PASD1: variants seen among roughly 807,000 people sequenced by gnomAD.
PASD1 encodes circadian clock protein PASD1.
A neutral mutation model predicts 58.8 loss-of-function variants in PASD1; 13 were observed. The ratio of observed to expected loss-of-function variants is 0.22; its 90% CI spans 0.14 to 0.35. PASD1 has a LOEUF of 0.35. Ranked by LOEUF, PASD1 falls within the 10% of genes least tolerant of loss-of-function variation. The probability of loss-of-function intolerance (pLI) is 1.00; values close to 1 mark genes in which losing one functional copy is unlikely to be tolerated. For synonymous variants in PASD1, 236 were observed against 216.7 expected (o/e 1.09, Z -0.78); for missense variants, 734 against 568.3 (o/e 1.29, Z -2.96).
At chrX:151,624,096 A>G (rs2013753982) in intron 7 of PASD1, among the ~76,000 whole-genome samples, 1 of 111,767 alleles carries the variant, frequency 8.9e-6, no homozygotes, top group Non-Finnish European at 1.9e-5. Context: ...CAGAGAAACA[A>G]GAACAGAAGC....
chrX:151,570,250 A>C (rs1041512521), intron 1 of PASD1, among the ~76,000 whole-genome samples: 5 of 111,522 alleles, frequency 4.5e-5, no homozygotes, highest in Admixed American at 9.5e-5. Flanking sequence ...TAGAAACCTA[A>C]TTGCTAAAGG....
At chrX:151,626,465 A>G (rs949686558) in intron 8 of PASD1, among the ~76,000 whole-genome samples, 4 of 111,943 alleles carry the variant, frequency 3.6e-5, no homozygotes, top group African/African-American at 1.3e-4. Flanking sequence ...TCTGTAAAAT[A>G]TAAATTATTT....
At chrX:151,593,206 T>C (rs1270559569) in intron 1 of PASD1, among the ~76,000 whole-genome samples, 1 of 111,112 alleles carries the variant, frequency 9.0e-6, no homozygotes, top group Non-Finnish European at 1.9e-5. Flanking sequence ...TTTATCCCAC[T>C]TTTTTGTAGT....
chrX:151,661,755 C>CTT (rs34934059), intron 10 of PASD1, among the ~76,000 whole-genome samples: 1 of 100,538 alleles, frequency 9.9e-6, no homozygotes, highest in African/African-American at 3.6e-5. Context: ...CTCATTCTTG[C>CTT]TTTTTTTTTT....
chrX:151,668,106 A>G (rs1051911538), intron 11 of PASD1, among the ~76,000 whole-genome samples: 7 of 111,145 alleles, frequency 6.3e-5, no homozygotes, highest in Non-Finnish European at 1.1e-4. Context: ...GAATGCTTCC[A>G]GTTTTTGCCC....
At chrX:151,669,571 G>T (rs2014437477) in intron 11 of PASD1, among the ~76,000 whole-genome samples, 1 of 110,141 alleles carries the variant, frequency 9.1e-6, no homozygotes, top group African/African-American at 3.3e-5. Flanking sequence ...CTAGCCTCTG[G>T]TAACCACCAT....
chrX:151,666,083 T>C (rs1190324909), intron 11 of PASD1, among the ~76,000 whole-genome samples: 1 of 110,393 alleles, frequency 9.1e-6, no homozygotes, highest in Non-Finnish European at 1.9e-5. Context: ...AACTCATCTA[T>C]GTACTTACAT....
rs367734353 is a variant in PASD1, at chrX:151,565,135, C to G, written c.-28+1296C>G. On this transcript the variant is annotated intron_variant, in intron 1 of 15. Transcript: ENST00000370357. ...CCCTACTGACTGGCTGTGCTTTTCT[C>G]TAACCTTAGTTCTTTCAGTAAGTTA... Among the ~76,000 whole-genome samples the G allele has an allele frequency of 1.5e-4, 17 of 112,088 alleles. No individual in the cohort carries two copies. In the South Asian group the frequency reaches 3.7e-3, roughly 25 times the overall value.
intron 1 of PASD1, among the ~76,000 whole-genome samples, chrX:151,580,958 C>A (rs2013080808): frequency 9.1e-6 from 1 of 110,399 alleles, no homozygotes; most frequent in African/African-American, 3.3e-5. Flanking sequence ...ATTATTGAAC[C>A]ATATGAGAAG....
Position 151,676,136 on chromosome X carries a change from C to T in PASD1, c.2315C>T (p.Pro772Leu), listed in dbSNP as rs148051878. The T allele has an allele frequency of 2.2e-5, 26 of 1,204,695 alleles. No homozygotes were observed. Among genetic ancestry groups the T allele is most frequent in the Admixed American group, 4.4e-5 (2 of 45,274 alleles). ...MPAEQRDSNK[P>L]C ...GCAGAGCAACGTGACTCAAATAAGC[C>T]GTGCTAACAGTACTTTCATGACCAG... The change falls in exon 16 of 16, where the codon CCG becomes CTG. Residue 772 changes from proline to leucine, a missense_variant. By Grantham distance (98) the Pro-to-Leu change is moderately conservative. Transcript: ENST00000370357.
chrX:151,653,739 TTTCTTTCC>T (rs2014167878), intron 9 of PASD1, among the ~76,000 whole-genome samples: 2 of 56,732 alleles, frequency 3.5e-5, no homozygotes, highest in African/African-American at 4.8e-5. Flanking sequence ...TCTCTCTCTC[TTTCTTTCC>T]TTCCTTCTTT....
At chrX:151,632,108 T>TG (rs1268681370) in intron 8 of PASD1, among the ~76,000 whole-genome samples, 1 of 110,244 alleles carries the variant, frequency 9.1e-6, no homozygotes, top group East Asian at 2.8e-4. Flanking sequence ...GGTGAGATGA[T>TG]GAGGGCCAAG....
intron 8 of PASD1, among the ~76,000 whole-genome samples, chrX:151,646,469 G>A (rs747275141): frequency 1.4e-4 from 16 of 112,074 alleles, no homozygotes; most frequent in East Asian, 8.4e-4. Flanking sequence ...CACTAGCTAC[G>A]GAGCACTTGA....
chrX:151,660,341 A>G (rs2014294687), intron 10 of PASD1, among the ~76,000 whole-genome samples: 1 of 112,567 alleles, frequency 8.9e-6, no homozygotes, highest in African/African-American at 3.2e-5. Flanking sequence ...TCTCCTAATT[A>G]ATCTTATCAT....
At chrX:151,602,606 C>G (rs2013433372) in intron 2 of PASD1, among the ~76,000 whole-genome samples, 1 of 110,465 alleles carries the variant, frequency 9.1e-6, no homozygotes, top group Non-Finnish European at 1.9e-5. Context: ...TGAGGCAAGA[C>G]AATGGCTTGA....
chrX:151,600,266 C>G (rs1238575074), intron 1 of PASD1, among the ~76,000 whole-genome samples: 2 of 100,459 alleles, frequency 2.0e-5, no homozygotes, highest in African/African-American at 7.6e-5. Flanking sequence ...AAGAGAGAGA[C>G]GAGGGAGAGG....
At chrX:151,661,950 G>A (rs898576028) in intron 10 of PASD1, among the ~76,000 whole-genome samples, 2 of 112,124 alleles carry the variant, frequency 1.8e-5, no homozygotes, top group African/African-American at 6.5e-5. Context: ...ATGTTTTATT[G>A]CTGGTGGTGT....
intron 6 of PASD1, 48 bp downstream of exon 6, chrX:151,621,640 A>G (rs2013712796): frequency 1.1e-6 from 1 of 878,726 alleles, no homozygotes; most frequent in Non-Finnish European, 1.6e-6. Context: ...TGAGTCATGT[A>G]GCCTCACATT....
Position 151,672,572 on chromosome X carries a change from C to T in PASD1, c.1827C>T (p.Pro609=), listed in dbSNP as rs1467729783. 8.3e-7 allele frequency: 1 copy of T among 1,210,487 alleles called. No individual in the cohort carries two copies. The highest frequency in any genetic ancestry group is 1.1e-6 in the Non-Finnish European group (1 of 895,372). Residue 609 remains proline, a synonymous_variant, in exon 14 of 16, where the codon CCC becomes CCT. Transcript: ENST00000370357. ...NHPVRFLQAQ[P]IVPVQRAAEQ... ...CTGTTAGATTTTTACAGGCCCAACC[C>T]ATTGTTCCTGTCCAGAGAGCAGCTG...
Sources: gnomAD v4.1 joint callset for allele counts (sites outside exome capture counted in the v4.1 genomes callset) on GRCh38, gnomAD v4.1.1 for gene constraint, MANE v1.5 for transcripts, NCBI Gene and HGNC (gene_info 2026-07-23, HGNC 2026-07-21) for gene names.